Variants in CAMTA1 observed in about 807,000 individuals in gnomAD.
CAMTA1 encodes calmodulin binding transcription activator 1.
Under a neutral mutation model 170.9 loss-of-function variants are expected in CAMTA1, and 27 were observed. The ratio of observed to expected loss-of-function variants is 0.16; its 90% CI spans 0.12 to 0.22. CAMTA1 has a LOEUF of 0.22. CAMTA1 is among the 10% of genes least tolerant of loss of function. CAMTA1 has a pLI of 1.00. For missense variants in CAMTA1, 1,619 were observed against 2,217.2 expected (o/e 0.73, Z 5.42); for synonymous variants, 833 against 891.5 (o/e 0.93, Z 1.17).
rs571797227 is a variant in CAMTA1 at position 7,720,104 on chromosome 1, C to G, written c.2915-12344C>G. Among the ~76,000 whole-genome samples the G allele has an allele frequency of 3.9e-5, 6 of 152,370 alleles. No individual in the cohort carries two copies. The South Asian group carries it at 8.3e-4, about 21-fold the overall frequency. ...CAGCAGTTGTAATAACAAGTTCTCA[C>G]GTTTGCCGATATTATTCATTAGCTG... On this transcript the variant is annotated intron_variant, in intron 11 of 22. Transcript: ENST00000303635.
intron 5 of CAMTA1, among the ~76,000 whole-genome samples, chr1:7,266,564 A>G (rs1668968505): frequency 1.3e-5 from 2 of 152,208 alleles, no homozygotes; most frequent in African/African-American, 4.8e-5. Flanking sequence ...ACCCTCTCGA[A>G]GCTCCCAACT....
intron 5 of CAMTA1, among the ~76,000 whole-genome samples, chr1:7,378,306 G>A (rs1281725513): frequency 6.6e-6 from 1 of 152,240 alleles, no homozygotes; most frequent in African/African-American, 2.4e-5. Context: ...GCTTCAGAGA[G>A]AGAGAGGAAG....
intron 3 of CAMTA1, chr1:6,834,303 A>T (rs1377715442): frequency 3.1e-5 from 6 of 191,858 alleles, no homozygotes; most frequent in Admixed American, 1.5e-4. Context: ...CAGAACATTT[A>T]CTGCATGACT....
At chr1:7,432,151 C>T (rs1431880192) in intron 5 of CAMTA1, among the ~76,000 whole-genome samples, 1 of 152,140 alleles carries the variant, frequency 6.6e-6, no homozygotes, top group African/African-American at 2.4e-5. Flanking sequence ...TGGGAAGAGC[C>T]GGAGCTGTGA....
At chr1:7,331,293 G>A (rs1281808657) in intron 5 of CAMTA1, among the ~76,000 whole-genome samples, 1 of 152,148 alleles carries the variant, frequency 6.6e-6, no homozygotes, top group Non-Finnish European at 1.5e-5. Flanking sequence ...GACTTTCAGA[G>A]GAGAGCGAGC....
At chr1:6,935,712 C>T (rs1024075894) in intron 3 of CAMTA1, among the ~76,000 whole-genome samples, 2 of 152,220 alleles carry the variant, frequency 1.3e-5, no homozygotes, top group African/African-American at 4.8e-5. Context: ...CCGTGGTTTT[C>T]TTGAGCCAAA....
At chr1:7,504,101 G>A (rs905787939) in intron 6 of CAMTA1, among the ~76,000 whole-genome samples, 2 of 152,194 alleles carry the variant, frequency 1.3e-5, no homozygotes, top group East Asian at 3.9e-4. Flanking sequence ...GTGGGCAGTG[G>A]TGGGTTCTTA....
chr1:7,196,754 C>G (rs1313184445), intron 4 of CAMTA1, among the ~76,000 whole-genome samples: 2 of 152,216 alleles, frequency 1.3e-5, no homozygotes, highest in Non-Finnish European at 2.9e-5. Context: ...ATTTAGCTGT[C>G]TTCTCTCATG....
At chr1:7,522,409 ATG>A (rs1346801198) in intron 6 of CAMTA1, among the ~76,000 whole-genome samples, 2 of 152,134 alleles carry the variant, frequency 1.3e-5, no homozygotes, top group African/African-American at 4.8e-5. Flanking sequence ...TTTGCTGACT[ATG>A]TGATTTGCAA....
At chr1:6,830,151 C>T (rs557617235) in intron 3 of CAMTA1, among the ~76,000 whole-genome samples, 3 of 151,754 alleles carry the variant, frequency 2.0e-5, no homozygotes, top group Non-Finnish European at 4.4e-5. Flanking sequence ...ATTCTCCTGC[C>T]GTAGCCTCCC....
At chr1:7,139,057 AT>A (rs1321957541) in intron 4 of CAMTA1, among the ~76,000 whole-genome samples, 1 of 142,616 alleles carries the variant, frequency 7.0e-6, no homozygotes, top group African/African-American at 2.6e-5. Flanking sequence ...ATATATTTAT[AT>A]TTATTATTTG....
chr1:7,760,181 C>T (rs946985761), intron 22 of CAMTA1, among the ~76,000 whole-genome samples: 5 of 152,192 alleles, frequency 3.3e-5, no homozygotes, highest in Non-Finnish European at 7.3e-5. Flanking sequence ...TTTTTAGTCA[C>T]ATATTTTCAA....
chr1:6,967,734 G>A (rs1691809088), intron 3 of CAMTA1, among the ~76,000 whole-genome samples: 1 of 152,224 alleles, frequency 6.6e-6, no homozygotes, highest in South Asian at 2.1e-4. Flanking sequence ...TTCATAGATG[G>A]TGACATGCAT....
intron 5 of CAMTA1, among the ~76,000 whole-genome samples, chr1:7,284,180 A>C (rs6687893): frequency 0.32 from 23,966 of 73,778 alleles, 2,278 homozygotes; most frequent in East Asian, 0.44. Flanking sequence ...TCTTCTTCTT[A>C]TTATTATTAT....
Position 7,579,594 on chromosome 1 carries a change from C to G in CAMTA1, c.511-60806C>G, listed in dbSNP as rs111436077. 3.1e-3 allele frequency among the ~76,000 whole-genome samples: 365 copies of G among 117,326 alleles called. 2 individuals are homozygous for G. The highest frequency in any genetic ancestry group is 0.013 in the African/African-American group (349 of 27,506). 77.0% of individuals were successfully genotyped at this position (117,326 alleles called of 152,430 possible). ...TTTTTTTTTGAGATAGAGTCTCACTCTGTCACCCAGACTGAAGTGCAGTGG... is the reference window on the plus strand; with the variant it reads ...TTTTTTTTTGAGATAGAGTCTCACTGTGTCACCCAGACTGAAGTGCAGTGG... On this transcript the variant is annotated intron_variant, in intron 6 of 22. Coordinates refer to ENST00000303635, the MANE Select transcript of CAMTA1 (RefSeq NM_015215.4).
intron 6 of CAMTA1, among the ~76,000 whole-genome samples, chr1:7,519,369 C>T (rs2149955585): frequency 6.6e-6 from 1 of 152,088 alleles, no homozygotes; most frequent in South Asian, 2.1e-4. Context: ...AGGTGGCTCC[C>T]CAGCATGGCC....
At chr1:7,030,921 G>A (rs61780950) in intron 3 of CAMTA1, among the ~76,000 whole-genome samples, 5,726 of 150,698 alleles carry the variant, frequency 0.038, 173 homozygotes, top group South Asian at 0.11. Flanking sequence ...TGCAAGCTCC[G>A]CCTCCCGGGT....
At chr1:7,510,014 A>ATGCTTATGGGAG (rs1553187159) in intron 6 of CAMTA1, among the ~76,000 whole-genome samples, 11 of 88,768 alleles carry the variant, frequency 1.2e-4, no homozygotes, top group South Asian at 3.3e-4. Flanking sequence ...AACAAACAAC[A>ATGCTTATGGGAG]AAAAAAAAAA....
intron 3 of CAMTA1, among the ~76,000 whole-genome samples, chr1:7,022,807 G>A (rs1233499809): frequency 6.6e-6 from 1 of 152,142 alleles, no homozygotes; most frequent in Non-Finnish European, 1.5e-5. Context: ...TGCATATGTG[G>A]GAATCTCTGT....
Sources: allele counts gnomAD v4.1 joint callset (sites outside exome capture counted in the v4.1 genomes callset), GRCh38; gene constraint gnomAD v4.1.1; transcripts MANE v1.5; gene names NCBI Gene and HGNC (gene_info 2026-07-23, HGNC 2026-07-21).